The following ACTR3C variants were observed in gnomAD, a reference collection of about 807,000 sequenced individuals.
The protein encoded by ACTR3C is actin related protein 3C.
In ACTR3C, 18 loss-of-function variants were observed where a neutral mutation model predicts 26.3. The observed-to-expected ratio is 0.68, with a 90% confidence interval of 0.47 to 1.01. ACTR3C has a LOEUF of 1.01. ACTR3C is among the 50% of genes least tolerant of loss of function. The pLI is 0.00. For synonymous variants in ACTR3C, 55 were observed against 94.5 expected (o/e 0.58, Z 2.42); for missense variants, 184 against 250.7 (o/e 0.73, Z 1.80).
At chr7:150,175,199 A>C in the ACTR3C span, among the ~76,000 whole-genome samples, 1 of 148,722 alleles carries the variant, frequency 6.7e-6, no homozygotes, top group South Asian at 2.1e-4. Context: ...TATTAGGGAA[A>C]TCATTATCAC....
chr7:150,041,453 G>A, the ACTR3C span: 1 of 166,230 alleles, frequency 6.0e-6, no homozygotes. Context: ...AAAACCCACA[G>A]TCCTCCAGGT....
downstream of ACTR3C, among the ~76,000 whole-genome samples, chr7:150,239,536 C>CTATATATATATA (rs1306541257): frequency 6.2e-5 from 7 of 112,960 alleles, no homozygotes; most frequent in Admixed American, 5.5e-4. Context: ...CTCTCTCTCT[C>CTATATATATATA]TCTCTATATA....
chr7:149,979,835 T>C, the ACTR3C span, among the ~76,000 whole-genome samples: 2 of 150,022 alleles, frequency 1.3e-5, no homozygotes, highest in Non-Finnish European at 2.9e-5. Flanking sequence ...CCTGTTCCCA[T>C]AGAAAGTAAA....
the ACTR3C span, among the ~76,000 whole-genome samples, chr7:150,038,340 A>G: frequency 2.1e-5 from 3 of 143,712 alleles, no homozygotes; most frequent in East Asian, 3.9e-4. Flanking sequence ...TCCAGCTGCC[A>G]TCTTTTCTCT....
the ACTR3C span, among the ~76,000 whole-genome samples, chr7:149,990,364 G>A: frequency 0.49 from 61,875 of 127,064 alleles, 16,284 homozygotes; most frequent in Non-Finnish European, 0.58. Context: ...AGCAGCATGA[G>A]TGGCCACTGA....
chr7:150,037,609 C>T, the ACTR3C span, among the ~76,000 whole-genome samples: 4 of 79,164 alleles, frequency 5.1e-5, no homozygotes, highest in African/African-American at 5.9e-5. Flanking sequence ...AGTAATCCCA[C>T]GTAAGGTACC....
the ACTR3C span, among the ~76,000 whole-genome samples, chr7:149,938,994 T>G: frequency 4.1e-5 from 6 of 146,848 alleles, 1 homozygote; most frequent in South Asian, 1.0e-3. Flanking sequence ...ATAATATATT[T>G]TTTGAGATAG....
At chr7:150,316,638 A>T (rs1196433478) in intron 1 of ACTR3C, among the ~76,000 whole-genome samples, 1 of 152,046 alleles carries the variant, frequency 6.6e-6, no homozygotes, top group Non-Finnish European at 1.5e-5. Flanking sequence ...GATGCGTGCC[A>T]TCACGCTCAG....
chr7:149,885,722 C>T, the ACTR3C span, among the ~76,000 whole-genome samples: 1 of 152,262 alleles, frequency 6.6e-6, no homozygotes, highest in African/African-American at 2.4e-5. Flanking sequence ...CTGTGTCCCA[C>T]ACAGCAGGAG....
At chr7:149,944,930 C>T in the ACTR3C span, among the ~76,000 whole-genome samples, 44,103 of 151,368 alleles carry the variant, frequency 0.29, 6,736 homozygotes, top group South Asian at 0.37. Flanking sequence ...AAAGAAAGGC[C>T]GTGCCAGGCC....
chr7:150,278,144 G>T (rs1000027285), intron 6 of ACTR3C, among the ~76,000 whole-genome samples: 1 of 152,078 alleles, frequency 6.6e-6, no homozygotes, highest in African/African-American at 2.4e-5. Flanking sequence ...ACAGGATCGC[G>T]CTACTCTCCT....
At chr7:150,112,852 A>C in the ACTR3C span, among the ~76,000 whole-genome samples, 286 of 151,620 alleles carry the variant, frequency 1.9e-3, 2 homozygotes, top group Non-Finnish European at 3.5e-3. Flanking sequence ...CTTCCCCCTG[A>C]CTCTGTTTCC....
At chr7:150,042,943 G>A in the ACTR3C span, among the ~76,000 whole-genome samples, 1 of 150,820 alleles carries the variant, frequency 6.6e-6, no homozygotes, top group African/African-American at 2.5e-5. Flanking sequence ...TGAAAGACTC[G>A]CTGTTGTCGG....
At chr7:150,182,261 T>C in the ACTR3C span, among the ~76,000 whole-genome samples, 499 of 150,844 alleles carry the variant, frequency 3.3e-3, 38 homozygotes, top group African/African-American at 0.012. Flanking sequence ...GATTTATGGA[T>C]TACCTGTAAA....
chr7:150,127,497 C>T, the ACTR3C span, among the ~76,000 whole-genome samples: 1 of 151,650 alleles, frequency 6.6e-6, no homozygotes, highest in Non-Finnish European at 1.5e-5. Flanking sequence ...CTCTGAGCGT[C>T]TCATGCCACA....
At chr7:149,965,828 C>A in the ACTR3C span, among the ~76,000 whole-genome samples, 1 of 152,118 alleles carries the variant, frequency 6.6e-6, no homozygotes, top group African/African-American at 2.4e-5. Flanking sequence ...TACTTAATGC[C>A]TTTGAACATT....
chr7:149,991,709 G>A, the ACTR3C span, among the ~76,000 whole-genome samples: 1 of 152,210 alleles, frequency 6.6e-6, no homozygotes, highest in Non-Finnish European at 1.5e-5. Flanking sequence ...GAACAAGGGT[G>A]GAGTCAAATT....
the ACTR3C span, among the ~76,000 whole-genome samples, chr7:149,927,734 GA>G: frequency 1.4e-3 from 171 of 123,212 alleles, 1 homozygote; most frequent in South Asian, 0.011. Context: ...GTCTCCGAAA[GA>G]AAAAAAAAAA....
the ACTR3C span, among the ~76,000 whole-genome samples, chr7:150,109,716 T>C: frequency 2.1e-4 from 31 of 150,586 alleles, no homozygotes; most frequent in African/African-American, 7.2e-4. Context: ...CTTTGTATCC[T>C]CACATTTTTG....
Sources: allele counts gnomAD v4.1 joint callset (sites outside exome capture counted in the v4.1 genomes callset), GRCh38; gene constraint gnomAD v4.1.1; transcripts MANE v1.5; gene names NCBI Gene and HGNC (gene_info 2026-07-23, HGNC 2026-07-21).